Variants in SENP2 observed in about 807,000 individuals in gnomAD.
SENP2 encodes the protein SUMO specific peptidase 2.
Under a neutral mutation model 86.3 loss-of-function variants are expected in SENP2, and 16 were observed. The observed-to-expected ratio is 0.19, with a 90% confidence interval of 0.13 to 0.28. The LOEUF (loss-of-function observed/expected upper bound fraction) is 0.28. SENP2 is among the 10% of genes least tolerant of loss of function. SENP2 has a pLI of 1.00. For synonymous variants in SENP2, 222 were observed against 238.7 expected (o/e 0.93, Z 0.64); for missense variants, 552 against 703.0 (o/e 0.79, Z 2.43).
intron 6 of SENP2, 31 bp from the exon 7 acceptor site, chr3:185,609,216 G>A (rs756357744): frequency 2.0e-6 from 3 of 1,470,986 alleles, no homozygotes; most frequent in East Asian, 2.3e-5. Context: ...TAATGTGCTG[G>A]TACTTATCTA....
chr3:185,615,315 C>T (rs1044816670), intron 11 of SENP2, among the ~76,000 whole-genome samples: 3 of 152,090 alleles, frequency 2.0e-5, no homozygotes, highest in South Asian at 4.1e-4. Context: ...AAGCTGTGTG[C>T]AGTGGGAAGC....
At chr3:185,623,202 C>T (rs1332102848) in intron 14 of SENP2, among the ~76,000 whole-genome samples, 6 of 144,678 alleles carry the variant, frequency 4.1e-5, no homozygotes, top group East Asian at 3.9e-4. Context: ...AGTGCAATGG[C>T]GTGATCTCGG....
rs1712340495 is a variant in SENP2 at position 185,629,969 on chromosome 3, A to C, written c.*125A>C. The C allele has an allele frequency of 2.2e-6, 2 of 907,186 alleles. No homozygotes were observed. Among genetic ancestry groups the C allele is most frequent in the Non-Finnish European group, 3.5e-6 (2 of 571,218 alleles). The allele number at this position is 907,186 out of a possible 1,614,324, so 56.2% of individuals were successfully genotyped here. ...TTCTCACAGGTACTGAGCTGTCAAA[A>C]GTGCATGAAGGCCTCTCACTGTACT... On this transcript the variant is annotated 3_prime_UTR_variant, in exon 17 of 17. Coordinates refer to ENST00000296257, the MANE Select transcript of SENP2 (RefSeq NM_021627.3).
chr3:185,612,468 G>A, intron 8 of SENP2, 139 bp from the exon 9 acceptor site: 1 of 615,000 alleles, frequency 1.6e-6, no homozygotes, highest in Non-Finnish European at 2.9e-6. Flanking sequence ...ATATAGGGAG[G>A]CTAGTGTCTT....
chr3:185,601,610 CCATA>C (rs1722347763), intron 5 of SENP2, among the ~76,000 whole-genome samples: 1 of 149,950 alleles, frequency 6.7e-6, no homozygotes, highest in Non-Finnish European at 1.5e-5. Context: ...TCTAATTTTC[CCATA>C]CATTCTCTCC....
At chr3:185,590,913 T>TG (rs1227465595) in intron 2 of SENP2, among the ~76,000 whole-genome samples, 10 of 94,990 alleles carry the variant, frequency 1.1e-4, no homozygotes, top group Non-Finnish European at 2.2e-4. Context: ...TTTTTTTTTT[T>TG]TTTTTTTTTT....
intron 15 of SENP2, among the ~76,000 whole-genome samples, chr3:185,625,837 T>A (rs941757227): frequency 6.6e-6 from 1 of 152,230 alleles, no homozygotes; most frequent in African/African-American, 2.4e-5. Context: ...GAAATAATTC[T>A]GACTAGCATC....
At position 185,613,206 on chromosome 3, in the gene SENP2, G is replaced by A. The variant is rs111970647; in HGVS notation, c.870-139G>A. 1,605 of 592,774 alleles carry A rather than the reference G, an allele frequency of 2.7e-3. 14 individuals carry two copies. Among genetic ancestry groups the A allele is most frequent in the East Asian group, 4.3e-3 (157 of 36,292 alleles). The allele number at this position is 592,774 out of a possible 1,614,324, so 36.7% of individuals were successfully genotyped here. On this transcript the variant is annotated intron_variant, in intron 9 of 16. Coordinates refer to ENST00000296257, the MANE Select transcript of SENP2 (RefSeq NM_021627.3). ...TGTCTGTTCCTTTTCAGAAAAGTTC[G>A]TTGACTCCTGGTTTAGAGTATTATG... is the stretch of plus-strand genomic sequence containing the variant.
intron 14 of SENP2, among the ~76,000 whole-genome samples, chr3:185,623,687 C>T (rs1008949010): frequency 6.6e-6 from 1 of 151,602 alleles, no homozygotes; most frequent in Middle Eastern, 3.2e-3. Context: ...ATTAGCAGGG[C>T]GTGGTGGCGT....
At chr3:185,623,234 C>T (rs1411328794) in intron 14 of SENP2, among the ~76,000 whole-genome samples, 2 of 151,886 alleles carry the variant, frequency 1.3e-5, no homozygotes, top group African/African-American at 4.8e-5. Flanking sequence ...CTCTGTCTCC[C>T]GGGTTCAAGA....
At chr3:185,606,672 G>A in intron 6 of SENP2, 174 bp downstream of exon 6, 2 of 593,844 alleles carry the variant, frequency 3.4e-6, no homozygotes, top group Non-Finnish European at 5.8e-6. Flanking sequence ...AAATCTGCAT[G>A]CAGCATGTGC....
At chr3:185,591,985 C>G (rs938865183) in intron 2 of SENP2, among the ~76,000 whole-genome samples, 1 of 129,738 alleles carries the variant, frequency 7.7e-6, no homozygotes. Flanking sequence ...AAAGAATACT[C>G]CTGTCTTTAA....
intron 1 of SENP2, among the ~76,000 whole-genome samples, chr3:185,587,750 T>C (rs1311007160): frequency 1.4e-5 from 2 of 143,798 alleles, no homozygotes; most frequent in Non-Finnish European, 3.0e-5. Flanking sequence ...TTTTTTTTTT[T>C]TTGAGACAGA....
intron 16 of SENP2, 150 bp from the exon 17 acceptor site, chr3:185,629,632 T>C (rs888358409): frequency 1.4e-6 from 1 of 691,000 alleles, no homozygotes; most frequent in Non-Finnish European, 2.5e-6. Context: ...CTGTTAAAAA[T>C]GGTTTTATAA....
intron 2 of SENP2, among the ~76,000 whole-genome samples, chr3:185,596,612 C>A (rs1256093377): frequency 2.2e-5 from 3 of 139,058 alleles, no homozygotes; most frequent in African/African-American, 8.6e-5. Flanking sequence ...CAGAGTAAGA[C>A]CCTGTCTCAA....
chr3:185,606,473 G>T lies in SENP2; in HGVS notation c.593G>T (p.Arg198Met). ...TCTGAAGAGAGTGGCAAGGGTCTGA[G>T]GCGTCCCCATTGTACTGTGGAGGAG... Reference protein sequence around the residue: ...MISEESGKGLRRPHCTVEEGV... With the variant: ...MISEESGKGLMRPHCTVEEGV... The change falls in exon 6 of 17, where the codon AGG (arginine) becomes ATG (methionine). Residue 198 changes from arginine to methionine, a missense_variant. Coordinates refer to ENST00000296257, the MANE Select transcript of SENP2 (RefSeq NM_021627.3). 7.4e-6 allele frequency: 12 copies of T among 1,611,944 alleles called. No homozygotes were observed. The highest frequency in any genetic ancestry group is 1.0e-5 in the Non-Finnish European group (12 of 1,179,466).
intron 15 of SENP2, among the ~76,000 whole-genome samples, chr3:185,625,749 A>T (rs1712116373): frequency 6.6e-6 from 1 of 152,226 alleles, no homozygotes; most frequent in South Asian, 2.1e-4. Context: ...CCAAAGCAGT[A>T]GTCTTATTTT....
At chr3:185,600,951 G>A in intron 5 of SENP2, 96 bp downstream of exon 5, 2 of 812,068 alleles carry the variant, frequency 2.5e-6, no homozygotes, top group Admixed American at 2.1e-5. Context: ...ATGTAGTCCT[G>A]CTAAGCGCTC....
At chr3:185,614,371 G>T in intron 10 of SENP2, 193 bp from the exon 11 acceptor site, 1 of 540,932 alleles carries the variant, frequency 1.8e-6, no homozygotes, top group Non-Finnish European at 3.2e-6. Flanking sequence ...TGAGGGTCCT[G>T]TGAGGCCTAG....
Sources: allele counts gnomAD v4.1 joint callset (sites outside exome capture counted in the v4.1 genomes callset), GRCh38; gene constraint gnomAD v4.1.1; transcripts MANE v1.5; gene names NCBI Gene and HGNC (gene_info 2026-07-23, HGNC 2026-07-21).